Variants in UGT3A2 observed in about 807,000 individuals in gnomAD.
UGT3A2 encodes UDP-glycosyltransferase 3A2.
In UGT3A2, 32 loss-of-function variants were observed where a neutral mutation model predicts 39.8. The observed-to-expected ratio is 0.80, with a 90% CI of 0.61 to 1.08. The LOEUF is 1.08. Among genes scored for constraint, UGT3A2 ranks in the 50% least tolerant of loss-of-function variants. The pLI, the probability that UGT3A2 is intolerant of heterozygous loss-of-function variation, is 0.00. For missense variants in UGT3A2, 611 were observed against 637.1 expected, an observed-to-expected ratio of 0.96 and a Z score of 0.44; for synonymous variants, 241 against 230.7, an observed-to-expected ratio of 1.04 and a Z score of -0.40.
Position 36,039,633 on chromosome 5 carries a change from A to G in UGT3A2, c.919T>C (p.Cys307Arg), listed in dbSNP as rs574500006. The stretch of plus-strand genomic sequence containing the variant: ...TCCTTGAAGATTTCCGGATTCTGAC[A>G]GGTGTTCACCATGGAGCCCAAGGTC... ...LVTLGSMVNTCQNPEIFKEMN... is the reference protein window; with the variant it reads ...LVTLGSMVNTRQNPEIFKEMN... Residue 307 changes from cysteine (C) to arginine (R), a missense_variant, in exon 5 of 7, where the codon TGT (cysteine) becomes CGT (arginine). Physicochemically the swap from Cys to Arg is radical, Grantham distance 180. Transcript: ENST00000282507. 3.2e-5 allele frequency: 51 copies of G among 1,614,208 alleles called. No homozygotes were observed. The highest frequency in any genetic ancestry group is 1.6e-4 in the Middle Eastern group (1 of 6,062).
rs952880594 is a variant in UGT3A2, at chr5:36,039,338, T to C, written c.1075+139A>G. 5.1e-6 allele frequency: 4 copies of C among 780,442 alleles called. No individual in the cohort carries two copies. In the African/African-American group the frequency reaches 5.2e-5, roughly 10 times the overall value. The allele number at this position is 780,442 out of a possible 1,614,324, so 48.3% of individuals were successfully genotyped here. ...AGCCTGGTTTCCCAAGAACTCCAGC[T>C]GGCTGCTACTTTTCTGCCCACTGAG... On this transcript the variant is annotated intron_variant, in intron 5 of 6. Transcript: ENST00000282507.
At chr5:36,054,508 TCATCCAAATAATCTA>T (rs1232302071) in intron 2 of UGT3A2, among the ~76,000 whole-genome samples, 1 of 152,154 alleles carries the variant, frequency 6.6e-6, no homozygotes, top group Non-Finnish European at 1.5e-5. Flanking sequence ...CCAAATCACA[TCATCCAAATAATCTA>T]CATCAAGTGT....
At chr5:36,061,116 G>A (rs1393791879) in intron 2 of UGT3A2, among the ~76,000 whole-genome samples, 2 of 152,058 alleles carry the variant, frequency 1.3e-5, no homozygotes, top group African/African-American at 4.8e-5. Flanking sequence ...AGGTTGCAGT[G>A]AGCCAAGATC....
chr5:36,038,022 G>T lies in UGT3A2; in HGVS notation c.1076-6C>A. ...CAGACGGATGCTTGGGTGAGCTGTT[G>T]TAAATAAGAAAGAGGGTGGGACACT... On this transcript the variant is annotated splice_region_variant and splice_polypyrimidine_tract_variant and intron_variant, in intron 5 of 6. Transcript: ENST00000282507. 1 of 1,582,450 alleles carries T rather than the reference G, an allele frequency of 6.3e-7. No individual in the cohort carries two copies. Among genetic ancestry groups the T allele is most frequent in the Non-Finnish European group, 8.6e-7 (1 of 1,168,412 alleles).
At chr5:36,057,119 T>C (rs1378760291) in intron 2 of UGT3A2, among the ~76,000 whole-genome samples, 4 of 152,256 alleles carry the variant, frequency 2.6e-5, no homozygotes, top group Admixed American at 6.5e-5. Context: ...GGAGCAGTAG[T>C]ACATGTCAGT....
At chr5:36,036,095 T>C (rs1741819741) in intron 6 of UGT3A2, 121 bp from the exon 7 acceptor site, 1 of 1,238,692 alleles carries the variant, frequency 8.1e-7, no homozygotes. Context: ...GGCTTTGCAG[T>C]AATCTACCTG....
rs144102423 is a variant in UGT3A2, at chr5:36,057,327, G to A, written c.197-5343C>T. ...TTGCAGACCTTCAGCCAAGCTCTAC[G>A]GATGAAATGAAAAATGGGAATTCTA... On this transcript the variant is annotated intron_variant, in intron 2 of 6. Coordinates refer to ENST00000282507, the MANE Select transcript of UGT3A2 (RefSeq NM_174914.4). 6.9e-3 allele frequency among the ~76,000 whole-genome samples: 1,048 copies of A among 152,100 alleles called. 19 individuals carry two copies. The highest frequency in any genetic ancestry group is 0.024 in the African/African-American group (979 of 41,486).
Position 36,066,796 on chromosome 5 carries a change from T to C in UGT3A2, c.-7A>G. On this transcript the variant is annotated 5_prime_UTR_variant, in exon 1 of 7. Coordinates refer to ENST00000282507, the MANE Select transcript of UGT3A2 (RefSeq NM_174914.4). ...GCACTCGCTGCCCAGCCATGCTCACTTCTACGGAAGCCGCGGATCTCAGCC... is the reference window on the plus strand; with the variant it reads ...GCACTCGCTGCCCAGCCATGCTCACCTCTACGGAAGCCGCGGATCTCAGCC... 1.2e-6 allele frequency: 2 copies of C among 1,614,150 alleles called. No homozygotes were observed. The highest frequency in any genetic ancestry group is 2.2e-5 in the South Asian group (2 of 91,086).
chr5:36,049,241 G>A lies in UGT3A2; in HGVS notation c.491C>T (p.Ala164Val), dbSNP rs201973810. ...AGAGCCGAATGAAGTGGAAAGAATGGCCACAAATGGCTTCCCAAGCTTCTC... is the reference window on the plus strand; with the variant it reads ...AGAGCCGAATGAAGTGGAAAGAATGACCACAAATGGCTTCCCAAGCTTCTC... ...IAEKLGKPFV[A>V]ILSTSFGSLE... Residue 164 changes from alanine (A) to valine (V), a missense_variant, in exon 4 of 7, where the codon GCC becomes GTC. Transcript: ENST00000282507. The A allele has an allele frequency of 9.9e-6, 16 of 1,614,076 alleles. No individual in the cohort carries two copies. The Admixed American group carries it at 2.0e-4, about 20-fold the overall frequency.
At chr5:36,038,112 AGTGGT>A in intron 5 of UGT3A2, 96 bp from the exon 6 acceptor site, 1 of 1,297,392 alleles carries the variant, frequency 7.7e-7, no homozygotes, top group Non-Finnish European at 1.1e-6. Context: ...AAGGGGATCT[AGTGGT>A]GTGTTGGAGA....
Position 36,039,616 on chromosome 5 carries a change from G to A in UGT3A2, c.936C>T (p.Ile312=), listed in dbSNP as rs369058493. The change falls in exon 5 of 7, where the codon ATC becomes ATT. Residue 312 remains isoleucine (I), a synonymous_variant. Coordinates refer to ENST00000282507, the MANE Select transcript of UGT3A2 (RefSeq NM_174914.4). ...SMVNTCQNPE[I]FKEMNNAFAH... is the part of the protein sequence containing the mutation. Reference sequence around the variant, plus strand: ...CAAAGGCATTGTTCATCTCCTTGAAGATTTCCGGATTCTGACAGGTGTTCA... The same window carrying A: ...CAAAGGCATTGTTCATCTCCTTGAAAATTTCCGGATTCTGACAGGTGTTCA... 4.3e-6 allele frequency: 7 copies of A among 1,614,112 alleles called. No homozygotes were observed. In the African/African-American group the frequency reaches 9.3e-5, roughly 22 times the overall value.
intron 2 of UGT3A2, among the ~76,000 whole-genome samples, chr5:36,057,794 C>A (rs1266106580): frequency 6.6e-6 from 1 of 152,098 alleles, no homozygotes; most frequent in African/African-American, 2.4e-5. Context: ...CCTGCCTCAG[C>A]CTCCCAAAGT....
At chr5:36,047,179 T>C (rs1742193906) in intron 4 of UGT3A2, among the ~76,000 whole-genome samples, 1 of 152,218 alleles carries the variant, frequency 6.6e-6, no homozygotes, top group South Asian at 2.1e-4. Flanking sequence ...TCTCCGGCCT[T>C]TCTGGACCAA....
At chr5:36,064,481 A>G (rs1742818520) in intron 1 of UGT3A2, 131 bp from the exon 2 acceptor site, 4 of 820,450 alleles carry the variant, frequency 4.9e-6, no homozygotes, top group Non-Finnish European at 7.6e-6. Flanking sequence ...GAGTTTTGCC[A>G]GTCTCCTCAT....
chr5:36,051,453 G>C (rs1057013793), intron 3 of UGT3A2, among the ~76,000 whole-genome samples: 1 of 152,182 alleles, frequency 6.6e-6, no homozygotes, highest in South Asian at 2.1e-4. Context: ...AAGACAGTAA[G>C]TGGGAAAAGG....
chr5:36,064,374 T>C (rs767090509), intron 1 of UGT3A2, 24 bp from the exon 2 acceptor site: 17 of 1,592,166 alleles, frequency 1.1e-5, no homozygotes, highest in Non-Finnish European at 1.4e-5. Flanking sequence ...ACAACTTCAG[T>C]TCTGGAATGA....
chr5:36,045,645 G>C (rs938844668), intron 4 of UGT3A2, among the ~76,000 whole-genome samples: 1 of 150,310 alleles, frequency 6.7e-6, no homozygotes, highest in Non-Finnish European at 1.5e-5. Flanking sequence ...AAAAGAAAAA[G>C]ACTGAAATCT....
In UGT3A2 at chr5:36,062,167, G is replaced by A. The variant is rs1274895446; in HGVS notation, c.196+2082C>T. Among the ~76,000 whole-genome samples the A allele has an allele frequency of 2.9e-3, 438 of 149,884 alleles. 1 individual carries two copies. The highest frequency in any genetic ancestry group is 3.7e-3 in the African/African-American group (149 of 40,730). On this transcript the variant is annotated intron_variant, in intron 2 of 6. Transcript: ENST00000282507. ...GCCCTTTGTCAGATGAGTAGGTTGCGAAAATTTTCTCCCATTTTGTAGGTT... is the reference window on the plus strand; with the variant it reads ...GCCCTTTGTCAGATGAGTAGGTTGCAAAAATTTTCTCCCATTTTGTAGGTT...
rs1469126741 is a variant in UGT3A2, at chr5:36,049,030, C to T, written c.702G>A (p.Arg234=). The T allele has an allele frequency of 1.9e-6, 3 of 1,614,048 alleles. No individual in the cohort carries two copies. The highest frequency in any genetic ancestry group is 2.5e-6 in the Non-Finnish European group (3 of 1,180,042). Reference sequence around the variant, plus strand: ...TCAGTAGAAGATGAGACAAAACTGGCCTAGAGCCTTCTGTGAAATGTTCCT... The same window carrying T: ...TCAGTAGAAGATGAGACAAAACTGGTCTAGAGCCTTCTGTGAAATGTTCCT... The part of the protein sequence containing the change: ...TIKEHFTEGS[R]PVLSHLLLKA... Residue 234 remains arginine (R), a synonymous_variant, in exon 4 of 7, where the codon AGG becomes AGA. Coordinates refer to ENST00000282507, the MANE Select transcript of UGT3A2 (RefSeq NM_174914.4).
Sources: allele counts gnomAD v4.1 joint callset (sites outside exome capture counted in the v4.1 genomes callset), GRCh38; gene constraint gnomAD v4.1.1; transcripts MANE v1.5; gene names NCBI Gene and HGNC (gene_info 2026-07-23, HGNC 2026-07-21).